CNTNAP2: variants seen among roughly 807,000 people sequenced by gnomAD.
CNTNAP2 encodes the protein contactin associated protein 2.
CNTNAP2 carries 98 observed loss-of-function variants against 155.2 expected under a neutral mutation model. The ratio of observed to expected loss-of-function variants is 0.63; its 90% confidence interval spans 0.54 to 0.75. The LOEUF is 0.75. CNTNAP2 is among the 30% of genes least tolerant of loss of function. CNTNAP2 has a pLI of 0.00. For synonymous variants in CNTNAP2, 651 were observed against 631.2 expected, an observed-to-expected ratio of 1.03 and a Z score of -0.47; for missense variants, 1,727 against 1,688.1, an observed-to-expected ratio of 1.02 and a Z score of -0.40.
intron 21 of CNTNAP2, among the ~76,000 whole-genome samples, chr7:148,364,272 C>T (rs1798687229): frequency 1.3e-5 from 2 of 152,252 alleles, no homozygotes; most frequent in Non-Finnish European, 2.9e-5. Flanking sequence ...AGCTGGGCTC[C>T]TGAGTCTGGT....
chr7:146,226,179 A>G (rs1181477992), intron 1 of CNTNAP2, among the ~76,000 whole-genome samples: 1 of 152,192 alleles, frequency 6.6e-6, no homozygotes, highest in African/African-American at 2.4e-5. Context: ...TACTGAGATT[A>G]CTAGTCTTAC....
chr7:146,732,172 C>A (rs1344173753), intron 1 of CNTNAP2, among the ~76,000 whole-genome samples: 1 of 152,096 alleles, frequency 6.6e-6, no homozygotes, highest in Non-Finnish European at 1.5e-5. Context: ...GTAGAAGCTA[C>A]TTAAAATTTG....
At chr7:146,894,078 AC>A (rs1286052455) in intron 3 of CNTNAP2, among the ~76,000 whole-genome samples, 3 of 152,206 alleles carry the variant, frequency 2.0e-5, no homozygotes, top group African/African-American at 7.2e-5. Context: ...GTGTCGAGCC[AC>A]CTGTTGTCCT....
At position 147,695,360 on chromosome 7, in the gene CNTNAP2, T is replaced by C. The variant is rs550748746; in HGVS notation, c.2098+56054T>C. On this transcript the variant is annotated intron_variant, in intron 13 of 23. Coordinates refer to ENST00000361727, the MANE Select transcript of CNTNAP2 (RefSeq NM_014141.6). The stretch of plus-strand genomic sequence containing the variant: ...AGGTGTCGACTGTACCTAGATGATC[T>C]AGTGTTTTTGAGTTCAGCTATGGCC... 2.0e-5 allele frequency among the ~76,000 whole-genome samples: 3 copies of C among 152,326 alleles called. No individual in the cohort carries two copies. The East Asian group carries it at 5.8e-4, about 29-fold the overall frequency.
At chr7:147,796,912 C>G (rs1043255137) in intron 13 of CNTNAP2, among the ~76,000 whole-genome samples, 2 of 152,152 alleles carry the variant, frequency 1.3e-5, no homozygotes, top group Non-Finnish European at 2.9e-5. Flanking sequence ...CATTCATTCT[C>G]TTTATTACCA....
chr7:148,058,548 A>G (rs574349299), intron 15 of CNTNAP2, among the ~76,000 whole-genome samples: 40 of 152,136 alleles, frequency 2.6e-4, no homozygotes, highest in Non-Finnish European at 4.9e-4. Flanking sequence ...TTTTACACCT[A>G]CCATCCTCTG....
chr7:146,434,431 C>T (rs1202463830), intron 1 of CNTNAP2, among the ~76,000 whole-genome samples: 1 of 152,168 alleles, frequency 6.6e-6, no homozygotes, highest in Non-Finnish European at 1.5e-5. Context: ...TCACAGCAGT[C>T]TGAAACTTTC....
intron 1 of CNTNAP2, among the ~76,000 whole-genome samples, chr7:146,407,346 G>C (rs1795806801): frequency 6.6e-6 from 1 of 152,100 alleles, no homozygotes; most frequent in Non-Finnish European, 1.5e-5. Context: ...TACATAATTT[G>C]GTAGGTGGTG....
At chr7:147,580,623 T>G (rs1800481620) in intron 12 of CNTNAP2, among the ~76,000 whole-genome samples, 1 of 151,978 alleles carries the variant, frequency 6.6e-6, no homozygotes, top group African/African-American at 2.4e-5. Flanking sequence ...ATTATCATTT[T>G]TTTTTTTTTT....
At chr7:147,197,723 C>T (rs899247144) in intron 8 of CNTNAP2, among the ~76,000 whole-genome samples, 4 of 152,190 alleles carry the variant, frequency 2.6e-5, no homozygotes, top group African/African-American at 9.7e-5. Flanking sequence ...TTTTGCCTGA[C>T]TCTTCTAACT....
intron 1 of CNTNAP2, among the ~76,000 whole-genome samples, chr7:146,652,869 C>T (rs1042955979): frequency 2.0e-5 from 3 of 152,054 alleles, no homozygotes; most frequent in South Asian, 2.1e-4. Context: ...ACTTCGTTGT[C>T]GTGAAGAAGG....
chr7:146,221,512 T>C (rs1018556569), intron 1 of CNTNAP2, among the ~76,000 whole-genome samples: 3 of 152,186 alleles, frequency 2.0e-5, no homozygotes, highest in African/African-American at 7.2e-5. Context: ...AAATTATTGA[T>C]AACCCTCCAG....
intron 1 of CNTNAP2, among the ~76,000 whole-genome samples, chr7:146,259,139 T>G (rs1799882835): frequency 1.3e-5 from 2 of 152,168 alleles, no homozygotes; most frequent in South Asian, 4.1e-4. Flanking sequence ...ATCCTTCACC[T>G]TTTACTGTGA....
chr7:148,385,494 G>C (rs543918390), intron 22 of CNTNAP2, among the ~76,000 whole-genome samples: 1 of 152,278 alleles, frequency 6.6e-6, no homozygotes, highest in Non-Finnish European at 1.5e-5. Context: ...AATGATCTTT[G>C]CAAGGCAGGA....
chr7:146,792,841 T>A (rs903049005), intron 2 of CNTNAP2, among the ~76,000 whole-genome samples: 3 of 152,044 alleles, frequency 2.0e-5, no homozygotes, highest in East Asian at 1.9e-4. Flanking sequence ...ATAATAATTA[T>A]TTTTTTTGAA....
Position 147,719,592 on chromosome 7 carries a change from C to T in CNTNAP2, c.2098+80286C>T, listed in dbSNP as rs140814026. ...TAAAATGTTTTACACTGGTAAACAG[C>T]GTAACTGTTTGGCTGAAACTGTCAC... On this transcript the variant is annotated intron_variant, in intron 13 of 23. Transcript: ENST00000361727. Among the ~76,000 whole-genome samples the T allele has an allele frequency of 4.1e-3, 617 of 152,092 alleles. 1 individual carries two copies. The highest frequency in any genetic ancestry group is 0.014 in the African/African-American group (573 of 41,520).
chr7:146,906,410 G>T (rs971643148), intron 3 of CNTNAP2, among the ~76,000 whole-genome samples: 1 of 152,118 alleles, frequency 6.6e-6, no homozygotes, highest in African/African-American at 2.4e-5. Context: ...CTGTCTGACA[G>T]CTTTGAAGAG....
intron 9 of CNTNAP2, 115 bp downstream of exon 9, chr7:147,300,405 C>CAAAA: frequency 4.7e-6 from 4 of 843,972 alleles, no homozygotes; most frequent in African/African-American, 4.5e-5. Context: ...GATCTCATGA[C>CAAAA]AAAACAAACT....
At chr7:147,071,955 C>T (rs1006181413) in intron 4 of CNTNAP2, among the ~76,000 whole-genome samples, 2 of 152,104 alleles carry the variant, frequency 1.3e-5, no homozygotes, top group African/African-American at 2.4e-5. Flanking sequence ...AAATAAAAAC[C>T]AGTCTCTGCC....
Sources: gnomAD v4.1 joint callset for allele counts (sites outside exome capture counted in the v4.1 genomes callset) on GRCh38, gnomAD v4.1.1 for gene constraint, MANE v1.5 for transcripts, NCBI Gene and HGNC (gene_info 2026-07-23, HGNC 2026-07-21) for gene names.